The following EGF variants were observed in gnomAD, a reference collection of about 807,000 sequenced individuals.
EGF encodes pro-epidermal growth factor.
A neutral mutation model predicts 143.8 loss-of-function variants in EGF; 95 were observed. The ratio of observed to expected loss-of-function variants is 0.66; its 90% CI spans 0.56 to 0.78. The LOEUF (loss-of-function observed/expected upper bound fraction) is 0.78, where lower values mean the gene tolerates loss of function less well. Ranked by LOEUF, EGF falls within the 30% of genes least tolerant of loss-of-function variation. EGF has a pLI of 0.00. For missense variants in EGF, 1,320 were observed against 1,470.9 expected (o/e 0.90, Z 1.68); for synonymous variants, 510 against 510.5 (o/e 1.00, Z 0.01).
intron 13 of EGF, among the ~76,000 whole-genome samples, chr4:109,978,905 T>TG (rs1748907624): frequency 6.6e-6 from 1 of 152,194 alleles, no homozygotes; most frequent in African/African-American, 2.4e-5. Flanking sequence ...TTGCCACCAG[T>TG]AGGGGAAGAC....
chr4:109,972,626 A>G (rs1264817315), intron 11 of EGF, among the ~76,000 whole-genome samples: 1 of 152,198 alleles, frequency 6.6e-6, no homozygotes, highest in South Asian at 2.1e-4. Flanking sequence ...CCTTCTTATG[A>G]CCACTTCATC....
intron 1 of EGF, among the ~76,000 whole-genome samples, chr4:109,918,347 T>G (rs1044760017): frequency 6.6e-6 from 1 of 151,116 alleles, no homozygotes; most frequent in Non-Finnish European, 1.5e-5. Flanking sequence ...CAGAAATGCG[T>G]GTGGTTGTGC....
At chr4:109,982,219 G>A (rs186234976) in intron 15 of EGF, among the ~76,000 whole-genome samples, 17 of 151,392 alleles carry the variant, frequency 1.1e-4, no homozygotes, top group Non-Finnish European at 2.2e-4. Flanking sequence ...ATGTTGCCTA[G>A]GCTGGTCTTG....
At chr4:110,009,789 C>T (rs1428258680) in intron 23 of EGF, among the ~76,000 whole-genome samples, 2 of 152,170 alleles carry the variant, frequency 1.3e-5, no homozygotes, top group African/African-American at 2.4e-5. Context: ...CTCTTCTCTG[C>T]TCCTGGAAAA....
intron 14 of EGF, 88 bp downstream of exon 14, chr4:109,980,227 T>G (rs1553941570): frequency 3.8e-6 from 5 of 1,321,674 alleles, no homozygotes; most frequent in Non-Finnish European, 3.1e-6. Context: ...GGCGGGGGGG[T>G]GGAGGGGATT....
intron 1 of EGF, among the ~76,000 whole-genome samples, chr4:109,926,365 TTTTTTC>T: frequency 6.7e-6 from 1 of 150,088 alleles, no homozygotes; most frequent in South Asian, 2.2e-4. Context: ...TTTTTTTTTT[TTTTTTC>T]CGAGACGGAG....
intron 5 of EGF, among the ~76,000 whole-genome samples, chr4:109,954,345 C>T (rs1415142066): frequency 1.3e-5 from 2 of 152,190 alleles, no homozygotes; most frequent in African/African-American, 4.8e-5. Context: ...AGCCACTGCG[C>T]CTGGCCAAAA....
chr4:109,938,538 T>C lies in EGF; in HGVS notation c.128-2408T>C, dbSNP rs186753106. Among the ~76,000 whole-genome samples, 434 of 152,356 alleles carry C rather than the reference T, an allele frequency of 2.8e-3. 1 individual carries two copies. The highest frequency in any genetic ancestry group is 9.5e-3 in the African/African-American group (396 of 41,594). On this transcript the variant is annotated intron_variant, in intron 1 of 23. Transcript: ENST00000265171. Reference sequence around the variant, plus strand: ...CTGTCACCTTGTCAAACTCATTCTTTGTCCAGTTTTGTTCCCTTGCTGGCA... The same window carrying C: ...CTGTCACCTTGTCAAACTCATTCTTCGTCCAGTTTTGTTCCCTTGCTGGCA...
intron 1 of EGF, among the ~76,000 whole-genome samples, chr4:109,934,109 G>A (rs560006832): frequency 3.9e-5 from 6 of 152,152 alleles, no homozygotes; most frequent in South Asian, 2.1e-4. Context: ...TTTAATGATC[G>A]CCATTCTAAC....
intron 21 of EGF, chr4:110,004,184 G>T: frequency 2.6e-6 from 1 of 390,708 alleles, no homozygotes; most frequent in Non-Finnish European, 4.9e-6. Context: ...ATGAATGCAA[G>T]GCTATTCCCC....
chr4:109,942,123 T>C (rs1482529069), intron 2 of EGF, among the ~76,000 whole-genome samples: 2 of 152,246 alleles, frequency 1.3e-5, no homozygotes, highest in African/African-American at 4.8e-5. Context: ...CCTCCAGACA[T>C]CTGGTAGTAT....
At chr4:109,973,317 T>C (rs1747965506) in intron 11 of EGF, among the ~76,000 whole-genome samples, 1 of 152,196 alleles carries the variant, frequency 6.6e-6, no homozygotes, top group Non-Finnish European at 1.5e-5. Flanking sequence ...AGTGCAAGTA[T>C]AACTGCCCCA....
At chr4:109,953,838 G>A (rs1744337262) in intron 5 of EGF, among the ~76,000 whole-genome samples, 1 of 152,184 alleles carries the variant, frequency 6.6e-6, no homozygotes, top group Admixed American at 6.5e-5. Context: ...GTGAATGTGG[G>A]TGGGGTGCGG....
intron 1 of EGF, among the ~76,000 whole-genome samples, chr4:109,919,553 T>C (rs1737412926): frequency 6.6e-6 from 1 of 152,138 alleles, no homozygotes; most frequent in South Asian, 2.1e-4. Flanking sequence ...ATACTATAGG[T>C]TGTCCTCCTC....
chr4:109,968,325 A>G (rs2126078993), intron 10 of EGF, among the ~76,000 whole-genome samples: 1 of 152,234 alleles, frequency 6.6e-6, no homozygotes, highest in East Asian at 1.9e-4. Flanking sequence ...ATCCAAAGCA[A>G]TCAAGCAAAT....
At position 109,945,132 on chromosome 4, in the gene EGF, T is replaced by C. The variant is rs1218787853; in HGVS notation, c.797T>C (p.Met266Thr). The change falls in exon 5 of 24, where the codon ATG (methionine) becomes ACG (threonine). Residue 266 changes from methionine (M) to threonine (T), a missense_variant. Around this residue, in one of 5 missense-constraint regions of EGF, gnomAD observed 1,186 missense variants for 1,313.7 expected, o/e 0.90. Coordinates refer to ENST00000265171, the MANE Select transcript of EGF (RefSeq NM_001963.6). ...GDRIFYSTWK[M>T]KTIWIANKHT... ...CGTATCTTCTATTCAACATGGAAAA[T>C]GAAGACAATTTGGATAGCCAACAAA... 1 of 1,614,128 alleles carries C rather than the reference T, an allele frequency of 6.2e-7. No homozygotes were observed. The highest frequency in any genetic ancestry group is 1.7e-5 in the Admixed American group (1 of 60,008).
At chr4:109,997,316 TAGCCTCC>T (rs1560759139) in intron 20 of EGF, among the ~76,000 whole-genome samples, 1 of 152,274 alleles carries the variant, frequency 6.6e-6, no homozygotes, top group East Asian at 1.9e-4. Flanking sequence ...CAGAATCTTG[TAGCCTCC>T]AGCTGCGTAA....
At chr4:109,951,155 A>ATAAAATAAAT (rs1743836349) in intron 5 of EGF, among the ~76,000 whole-genome samples, 1 of 122,170 alleles carries the variant, frequency 8.2e-6, no homozygotes, top group Non-Finnish European at 1.6e-5. Context: ...AAAAAATAAA[A>ATAAAATAAAT]TAAAATAAAA....
chr4:110,008,365 C>T, intron 23 of EGF, 135 bp downstream of exon 23: 5 of 1,143,094 alleles, frequency 4.4e-6, no homozygotes, highest in South Asian at 1.3e-5. Flanking sequence ...ATGTGAATAG[C>T]TGGGCTGTAT....
Sources: allele counts gnomAD v4.1 joint callset (sites outside exome capture counted in the v4.1 genomes callset), GRCh38; gene constraint gnomAD v4.1.1; regional missense constraint gnomAD v4.1.1; transcripts MANE v1.5; gene names NCBI Gene and HGNC (gene_info 2026-07-23, HGNC 2026-07-21).